The following KCNG1 variants were observed in gnomAD, a reference collection of about 807,000 sequenced individuals.
KCNG1 encodes voltage-gated potassium channel regulatory subunit KCNG1.
In KCNG1, 17 loss-of-function variants were observed where a neutral mutation model predicts 32.4. That is an observed-to-expected ratio of 0.52 (90% confidence interval 0.36 to 0.79). The LOEUF is 0.79. KCNG1 is among the 30% of genes least tolerant of loss of function. KCNG1 has a pLI of 0.00. For synonymous variants in KCNG1, 358 were observed against 339.9 expected, an observed-to-expected ratio of 1.05 and a Z score of -0.59; for missense variants, 441 against 735.2, an observed-to-expected ratio of 0.60 and a Z score of 4.63.
chr20:51,008,571 G>A (rs563749689), intron 2 of KCNG1, among the ~76,000 whole-genome samples: 6 of 151,862 alleles, frequency 4.0e-5, no homozygotes, highest in South Asian at 4.2e-4. Context: ...GGGCTCAAGC[G>A]ATCCTTCTGC....
Position 51,019,117 on chromosome 20 carries a change from GA to G in KCNG1, c.-27+3752del, listed in dbSNP as rs140789436. 7.0e-3 allele frequency among the ~76,000 whole-genome samples: 1,072 copies of G among 152,320 alleles called. 13 individuals carry two copies. Among genetic ancestry groups the G allele is most frequent in the African/African-American group, 0.024 (1,001 of 41,568 alleles). On this transcript the variant is annotated intron_variant, in intron 1 of 2. Transcript: ENST00000371571. ...TTTTGGCCTCTGGGAAGGAGATGTT[GA>G]CGATGGAGGCAGAGGGTGGAGTCGT... is the stretch of plus-strand genomic sequence containing the variant.
rs146369363 is a variant in KCNG1, at chr20:51,020,218, C to T, written c.-27+2652G>A. 4.9e-3 allele frequency among the ~76,000 whole-genome samples: 753 copies of T among 152,282 alleles called. 8 individuals carry two copies. Among genetic ancestry groups the T allele is most frequent in the African/African-American group, 0.015 (640 of 41,548 alleles). On this transcript the variant is annotated intron_variant, in intron 1 of 2. Transcript: ENST00000371571. ...GCACGTTTGCGTTTGCCTTCTTCTA[C>T]GGGGAGGTGTTTGGGGACTGGAGCC...
intron 2 of KCNG1, among the ~76,000 whole-genome samples, chr20:51,008,793 A>G (rs4809818): frequency 0.77 from 117,486 of 151,614 alleles, 46,303 homozygotes; most frequent in Middle Eastern, 0.87. Flanking sequence ...TGCCACGTGG[A>G]CACCATATTT....
chr20:51,011,873 T>G (rs1461015842), intron 1 of KCNG1, among the ~76,000 whole-genome samples: 1 of 152,256 alleles, frequency 6.6e-6, no homozygotes, highest in African/African-American at 2.4e-5. Flanking sequence ...CTTGGCTCAT[T>G]GCAATCTCCG....
chr20:51,020,559 C>T (rs2123283534), intron 1 of KCNG1, among the ~76,000 whole-genome samples: 1 of 152,274 alleles, frequency 6.6e-6, no homozygotes, highest in Non-Finnish European at 1.5e-5. Flanking sequence ...CAGCTAGGTT[C>T]TTCGCCTCTC....
In KCNG1 at chr20:51,003,924, T is replaced by C; in HGVS notation, c.*115A>G. ...GTGTCCTTCCCCGGGTGCGTGGGAG[T>C]CGGTGCTGCGCCAGGACTGCACTCG... On this transcript the variant is annotated 3_prime_UTR_variant, in exon 3 of 3. Transcript: ENST00000371571. The C allele has an allele frequency of 8.5e-7, 1 of 1,172,208 alleles. No homozygotes were observed. The highest frequency in any genetic ancestry group is 1.2e-6 in the Non-Finnish European group (1 of 837,838). The allele number at this position is 1,172,208 out of a possible 1,614,324, so 72.6% of individuals were successfully genotyped here.
intron 1 of KCNG1, among the ~76,000 whole-genome samples, chr20:51,019,216 A>G (rs1442852114): frequency 2.0e-5 from 3 of 152,150 alleles, no homozygotes; most frequent in African/African-American, 7.2e-5. Flanking sequence ...AAAAACTATG[A>G]GATAATAAAT....
At position 51,005,012 on chromosome 20, in the gene KCNG1, T is replaced by G; in HGVS notation, c.775-206A>C. ...CTACACTGGCCGCTCCTCATCTCTC[T>G]CTCCAGCCCCCACCTCAGCCCTGAA... is the stretch of plus-strand genomic sequence containing the variant. On this transcript the variant is annotated intron_variant, in intron 2 of 2. Transcript: ENST00000371571. The surrounding 1 kb of genome is among the most constrained non-coding windows in gnomAD (Gnocchi z 4.0). 1 of 482,432 alleles carries G rather than the reference T, an allele frequency of 2.1e-6. No homozygotes were observed. The highest frequency in any genetic ancestry group is 3.6e-6 in the Non-Finnish European group (1 of 278,870). 29.9% of individuals were successfully genotyped at this position (482,432 alleles called of 1,614,324 possible).
intron 1 of KCNG1, among the ~76,000 whole-genome samples, chr20:51,020,046 A>G (rs955336519): frequency 6.6e-6 from 1 of 151,838 alleles, no homozygotes; most frequent in Non-Finnish European, 1.5e-5. Flanking sequence ...TCCTGGGGAG[A>G]TTGTGTGCTG....
At chr20:51,012,002 A>G (rs2123244014) in intron 1 of KCNG1, among the ~76,000 whole-genome samples, 1 of 152,344 alleles carries the variant, frequency 6.6e-6, no homozygotes, top group East Asian at 1.9e-4. Context: ...CATGTTGGCC[A>G]GGCTGGTCTT....
Position 51,004,042 on chromosome 20 carries a change from G to C in KCNG1, c.1539C>G (p.Asn513Lys), listed in dbSNP as rs1374250404. 3.1e-6 allele frequency: 5 copies of C among 1,613,844 alleles called. No individual in the cohort carries two copies. Among genetic ancestry groups the C allele is most frequent in the African/African-American group, 1.3e-5 (1 of 74,942 alleles). ...AGGGCAGGCGTGTCCTCCGCGCTCAGTTATTGTCTCTGGTGTCCGAGGAGG... is the reference window on the plus strand; with the variant it reads ...AGGGCAGGCGTGTCCTCCGCGCTCACTTATTGTCTCTGGTGTCCGAGGAGG... ...GSASSDTRDN[N>K] The change falls in exon 3 of 3, where the codon AAC (asparagine) becomes AAG (lysine). Residue 513 changes from asparagine (N) to lysine (K), a missense_variant. Transcript: ENST00000371571. The surrounding 1 kb of genome is among the most constrained non-coding windows in gnomAD (Gnocchi z 4.3).
In KCNG1 at chr20:51,009,546, G is replaced by T. The variant is rs756272494; in HGVS notation, c.774+19C>A. On this transcript the variant is annotated intron_variant, in intron 2 of 2. Transcript: ENST00000371571. ...TTCCCTCGTGGTGGCGCGTTTCCCC[G>T]CGGGGCGTGGGCTCTTACCTGCTCC... 5.1e-6 allele frequency: 8 copies of T among 1,567,972 alleles called. No homozygotes were observed. In the Middle Eastern group the frequency reaches 6.7e-4, roughly 132 times the overall value.
chr20:51,013,570 A>G (rs933960786), intron 1 of KCNG1, among the ~76,000 whole-genome samples: 1 of 152,148 alleles, frequency 6.6e-6, no homozygotes, highest in African/African-American at 2.4e-5. Context: ...GCTCCTTCCT[A>G]AGAGGAACTG....
intron 1 of KCNG1, among the ~76,000 whole-genome samples, chr20:51,016,114 G>C (rs915765924): frequency 5.3e-5 from 8 of 152,216 alleles, no homozygotes; most frequent in African/African-American, 9.6e-5. Context: ...CACCCAGTTT[G>C]TGGTAATTTG....
intron 1 of KCNG1, 83 bp from the exon 2 acceptor site, chr20:51,010,447 T>A: frequency 1.1e-6 from 1 of 939,460 alleles, no homozygotes; most frequent in Non-Finnish European, 1.5e-6. Flanking sequence ...AGATATTCAC[T>A]GTTAGGGATG....
Position 51,010,203 on chromosome 20 carries a change from G to A in KCNG1, c.136C>T (p.Leu46=). ...TGGCGGGGCTCATCCTGCGGCCGCAGCCGCTGCGCCCGGCGGTAGAACGCG... is the reference window on the plus strand; with the variant it reads ...TGGCGGGGCTCATCCTGCGGCCGCAACCGCTGCGCCCGGCGGTAGAACGCG... ...KGAFYRRAQR[L]RPQDEPRQGC... The change falls in exon 2 of 3, where the codon CTG becomes TTG. Residue 46 remains leucine (L), a synonymous_variant. Transcript: ENST00000371571. The A allele has an allele frequency of 6.3e-7, 1 of 1,590,550 alleles. No individual in the cohort carries two copies. Among genetic ancestry groups the A allele is most frequent in the Non-Finnish European group, 8.5e-7 (1 of 1,170,186 alleles).
chr20:51,007,197 T>C, intron 2 of KCNG1: 1 of 152,920 alleles, frequency 6.5e-6, no homozygotes, highest in African/African-American at 2.4e-5. Context: ...AATTTTTTTT[T>C]TTTTTTGAGA....
At chr20:51,009,480 A>G (rs1489314153) in intron 2 of KCNG1, 85 bp downstream of exon 2, 1 of 1,419,468 alleles carries the variant, frequency 7.0e-7, no homozygotes, top group South Asian at 1.4e-5. Context: ...GTGTGCAATC[A>G]GAGGAGGCTT....
rs1028582508 is a variant in KCNG1, at chr20:51,015,398, G to A, written c.-26-5034C>T. On this transcript the variant is annotated intron_variant, in intron 1 of 2. Coordinates refer to ENST00000371571, the MANE Select transcript of KCNG1 (RefSeq NM_002237.4). This position sits in a 1 kb window ranked among gnomAD's most constrained non-coding sequence, Gnocchi z 4.4. ...AGCAGCTGGCAAAATCCAGGAGAGA[G>A]GGGGGAGATGGGTGTCTCCCAAGGA... Among the ~76,000 whole-genome samples the A allele has an allele frequency of 1.3e-5, 2 of 152,168 alleles. No homozygotes were observed. Among genetic ancestry groups the A allele is most frequent in the East Asian group, 1.9e-4 (1 of 5,192 alleles).
Sources: allele counts gnomAD v4.1 joint callset (sites outside exome capture counted in the v4.1 genomes callset), GRCh38; gene constraint gnomAD v4.1.1; non-coding constraint Gnocchi (gnomAD v3.1); transcripts MANE v1.5; gene names NCBI Gene and HGNC (gene_info 2026-07-23, HGNC 2026-07-21).